Variants in EYS observed in about 807,000 individuals in gnomAD.
The protein encoded by EYS is protein eyes shut homolog.
A neutral mutation model predicts 282.1 loss-of-function variants in EYS; 250 were observed. The observed-to-expected ratio is 0.89, with a 90% CI of 0.80 to 0.98. The LOEUF (loss-of-function observed/expected upper bound fraction) is 0.98, where lower values mean the gene tolerates loss of function less well. EYS is among the 50% of genes least tolerant of loss of function. The pLI, the probability that EYS is intolerant of heterozygous loss-of-function variation, is 0.00. For synonymous variants in EYS, 1,355 were observed against 1,282.9 expected (o/e 1.06, Z -1.20); for missense variants, 4,016 against 3,709.0 (o/e 1.08, Z -2.15).
At chr6:64,371,380 T>C (rs1337987322) in intron 29 of EYS, among the ~76,000 whole-genome samples, 1 of 151,284 alleles carries the variant, frequency 6.6e-6, no homozygotes, top group African/African-American at 2.4e-5. Context: ...GAGAGCATGG[T>C]TGGAACAATT....
At chr6:65,609,113 T>G (rs2149793994) in intron 2 of EYS, among the ~76,000 whole-genome samples, 1 of 152,220 alleles carries the variant, frequency 6.6e-6, no homozygotes, top group East Asian at 1.9e-4. Context: ...TTATATTTGC[T>G]TATATTTTTT....
rs1765346956 is a variant in EYS, at chr6:64,559,983, C to T, written c.5644+30240G>A. Among the ~76,000 whole-genome samples, 3 of 152,196 alleles carry T rather than the reference C, an allele frequency of 2.0e-5. No homozygotes were observed. In the South Asian group the frequency reaches 6.2e-4, roughly 32 times the overall value. ...GAGTCCACGTGTTCTCGTCATCTAG[C>T]TCCCACTTATAAGTGAGAACATTCA... On this transcript the variant is annotated intron_variant, in intron 26 of 42. Transcript: ENST00000503581.
chr6:64,414,046 A>G (rs973462291), intron 28 of EYS, among the ~76,000 whole-genome samples: 3 of 152,154 alleles, frequency 2.0e-5, no homozygotes, highest in African/African-American at 4.8e-5. Flanking sequence ...TGTACTTCCT[A>G]GCCTTCAGAA....
chr6:65,593,193 G>A (rs1457546406), intron 2 of EYS, among the ~76,000 whole-genome samples: 1 of 152,000 alleles, frequency 6.6e-6, no homozygotes, highest in Non-Finnish European at 1.5e-5. Flanking sequence ...AATGTCATCT[G>A]TCTTTCCAAA....
chr6:64,490,211 C>A (rs555102034), intron 26 of EYS, among the ~76,000 whole-genome samples: 34 of 150,638 alleles, frequency 2.3e-4, no homozygotes, highest in African/African-American at 8.0e-4. Context: ...ACTATTGCCC[C>A]GAATAACAAT....
At chr6:64,096,083 A>G (rs1225747345) in intron 31 of EYS, among the ~76,000 whole-genome samples, 2 of 152,056 alleles carry the variant, frequency 1.3e-5, no homozygotes, top group Non-Finnish European at 2.9e-5. Flanking sequence ...ATTGGCCCCC[A>G]CTCTCTTCTG....
intron 35 of EYS, among the ~76,000 whole-genome samples, chr6:63,906,131 C>T (rs2200105): frequency 0.12 from 18,987 of 152,196 alleles, 1,239 homozygotes; most frequent in South Asian, 0.19. Context: ...GAAGATATTT[C>T]GAGTAAGAGG....
chr6:65,395,005 A>G (rs1766224069), intron 7 of EYS, among the ~76,000 whole-genome samples: 1 of 152,152 alleles, frequency 6.6e-6, no homozygotes, highest in African/African-American at 2.4e-5. Flanking sequence ...TAATTCTTTA[A>G]CATTTAACCT....
intron 30 of EYS, among the ~76,000 whole-genome samples, chr6:64,285,530 C>T (rs1379911565): frequency 6.6e-6 from 1 of 152,170 alleles, no homozygotes; most frequent in Non-Finnish European, 1.5e-5. Context: ...AACTTTCCCA[C>T]ATTTTCCTAT....
rs577892208 is a variant in EYS at position 65,383,606 on chromosome 6, C to A, written c.1299+780G>T. 6.0e-4 allele frequency among the ~76,000 whole-genome samples: 90 copies of A among 150,954 alleles called. 1 individual carries two copies. In the East Asian group the frequency reaches 0.017, roughly 28 times the overall value. On this transcript the variant is annotated intron_variant, in intron 8 of 42. Transcript: ENST00000503581. ...TATTTTTTGAAAAAAAAAAGCTTTGCAGAAACATTGGAAGTTCCCTTTGTA... is the reference window on the plus strand; with the variant it reads ...TATTTTTTGAAAAAAAAAAGCTTTGAAGAAACATTGGAAGTTCCCTTTGTA...
intron 4 of EYS, among the ~76,000 whole-genome samples, chr6:65,493,104 G>A (rs564096914): frequency 7.2e-5 from 11 of 152,116 alleles, no homozygotes; most frequent in African/African-American, 2.4e-4. Context: ...TTGTAGAGAC[G>A]GGGTTTCACC....
chr6:64,000,167 A>AC (rs1562142215), intron 33 of EYS, among the ~76,000 whole-genome samples: 15 of 43,540 alleles, frequency 3.4e-4, no homozygotes, highest in African/African-American at 1.1e-3. Context: ...AAGACATGGG[A>AC]CTTTTTTTTT....
chr6:64,670,650 A>G (rs1458530100), intron 22 of EYS, among the ~76,000 whole-genome samples: 1 of 152,098 alleles, frequency 6.6e-6, no homozygotes, highest in Non-Finnish European at 1.5e-5. Flanking sequence ...GGAAAATGCA[A>G]TCTTGCTTGT....
chr6:63,990,933 C>T (rs570033159), intron 34 of EYS, among the ~76,000 whole-genome samples: 22 of 151,676 alleles, frequency 1.5e-4, no homozygotes, highest in African/African-American at 5.3e-4. Context: ...GGATCATGCA[C>T]CCAATGTTCT....
At chr6:64,577,411 G>GCT (rs372098064) in intron 26 of EYS, among the ~76,000 whole-genome samples, 4 of 151,430 alleles carry the variant, frequency 2.6e-5, no homozygotes, top group African/African-American at 7.3e-5. Context: ...CATTACCTCT[G>GCT]CTCTCTCTCT....
At chr6:64,133,853 T>TC (rs1369315264) in intron 31 of EYS, among the ~76,000 whole-genome samples, 1 of 151,910 alleles carries the variant, frequency 6.6e-6, no homozygotes, top group Non-Finnish European at 1.5e-5. Context: ...TTTTTTTTTT[T>TC]CTTTCTCTTT....
chr6:64,551,149 T>C (rs893360144), intron 26 of EYS, among the ~76,000 whole-genome samples: 15 of 149,620 alleles, frequency 1.0e-4, no homozygotes, highest in Admixed American at 2.0e-4. Context: ...CACATATATG[T>C]ATATACATAT....
At chr6:64,298,220 AATT>A (rs1337937760) in intron 30 of EYS, among the ~76,000 whole-genome samples, 1 of 152,166 alleles carries the variant, frequency 6.6e-6, no homozygotes, top group African/African-American at 2.4e-5. Context: ...AATTTCTAAT[AATT>A]GTTTTCTAAA....
In EYS at chr6:65,512,675, G is replaced by A. The variant is rs548936569; in HGVS notation, c.-332-16682C>T. Among the ~76,000 whole-genome samples, 3 of 151,976 alleles carry A rather than the reference G, an allele frequency of 2.0e-5. No homozygotes were observed. In the East Asian group the frequency reaches 5.8e-4, roughly 30 times the overall value. On this transcript the variant is annotated intron_variant, in intron 2 of 42. Coordinates refer to ENST00000503581, the MANE Select transcript of EYS (RefSeq NM_001142800.2). Reference sequence around the variant, plus strand: ...CAACTACATGGAAACTGAACAACCTGCTCCTGAATGACTACTGGGCACATA... The same window carrying A: ...CAACTACATGGAAACTGAACAACCTACTCCTGAATGACTACTGGGCACATA...
Sources: gnomAD v4.1 joint callset for allele counts (sites outside exome capture counted in the v4.1 genomes callset) on GRCh38, gnomAD v4.1.1 for gene constraint, MANE v1.5 for transcripts, NCBI Gene and HGNC (gene_info 2026-07-23, HGNC 2026-07-21) for gene names.